The following AK5 variants were observed in gnomAD, a reference collection of about 807,000 sequenced individuals.
AK5 encodes the protein adenylate kinase 5, also known as adenylate kinase isoenzyme 5.
A neutral mutation model predicts 69.5 loss-of-function variants in AK5; 27 were observed. The ratio of observed to expected loss-of-function variants is 0.39; its 90% CI spans 0.29 to 0.54. AK5 has a LOEUF of 0.54. Among genes scored for constraint, AK5 ranks in the 20% least tolerant of loss-of-function variants. AK5 has a pLI of 0.71. For synonymous variants in AK5, 260 were observed against 244.4 expected (o/e 1.06, Z -0.60); for missense variants, 531 against 700.4 (o/e 0.76, Z 2.73).
intron 8 of AK5, among the ~76,000 whole-genome samples, chr1:77,418,968 C>T (rs563848289): frequency 3.9e-5 from 6 of 152,092 alleles, no homozygotes; most frequent in Non-Finnish European, 1.5e-5. Context: ...ACATGCAAAA[C>T]GTTGTGCCGA....
chr1:77,309,915 C>T (rs969343373), intron 5 of AK5, among the ~76,000 whole-genome samples: 23 of 151,826 alleles, frequency 1.5e-4, no homozygotes, highest in Admixed American at 9.2e-4. Flanking sequence ...CAGTCATGTT[C>T]GAGATATGTT....
At chr1:77,474,688 A>C (rs1476196457) in intron 8 of AK5, among the ~76,000 whole-genome samples, 1 of 152,182 alleles carries the variant, frequency 6.6e-6, no homozygotes, top group Non-Finnish European at 1.5e-5. Context: ...ATCTGGACCC[A>C]CCTTCCCCCA....
At chr1:77,333,868 A>G (rs1661214627) in intron 5 of AK5, among the ~76,000 whole-genome samples, 1 of 152,246 alleles carries the variant, frequency 6.6e-6, no homozygotes, top group Non-Finnish European at 1.5e-5. Flanking sequence ...CAGTACTTTT[A>G]CAGTGGTAAA....
intron 6 of AK5, among the ~76,000 whole-genome samples, chr1:77,405,001 C>A (rs568795481): frequency 6.6e-6 from 1 of 152,154 alleles, no homozygotes; most frequent in Non-Finnish European, 1.5e-5. Flanking sequence ...AAAGTCTCAA[C>A]GTTTCTTATA....
At chr1:77,485,221 T>C (rs995985941) in intron 9 of AK5, among the ~76,000 whole-genome samples, 15 of 152,236 alleles carry the variant, frequency 9.9e-5, no homozygotes. Flanking sequence ...TGTTTGTTTG[T>C]TTTTTGTTGT....
intron 6 of AK5, among the ~76,000 whole-genome samples, chr1:77,377,772 C>T (rs140463608): frequency 1.3e-5 from 2 of 152,234 alleles, no homozygotes; most frequent in East Asian, 3.9e-4. Context: ...TACTTCTGTG[C>T]TTTAAGAGAT....
intron 5 of AK5, among the ~76,000 whole-genome samples, chr1:77,304,565 C>T (rs989675416): frequency 6.6e-6 from 1 of 152,046 alleles, no homozygotes; most frequent in African/African-American, 2.4e-5. Context: ...ACCACCACGC[C>T]CAACTAATTT....
intron 12 of AK5, among the ~76,000 whole-genome samples, chr1:77,534,359 T>C (rs1658838238): frequency 6.6e-6 from 1 of 152,130 alleles, no homozygotes; most frequent in Non-Finnish European, 1.5e-5. Flanking sequence ...ATAACACAGA[T>C]CATACCACCA....
chr1:77,454,670 G>T (rs1034414653), intron 8 of AK5, among the ~76,000 whole-genome samples: 4 of 152,326 alleles, frequency 2.6e-5, no homozygotes, highest in African/African-American at 9.6e-5. Flanking sequence ...GCAAAGTCAA[G>T]TTGAATATAT....
chr1:77,407,419 AT>A (rs1367520290), intron 6 of AK5, among the ~76,000 whole-genome samples: 2 of 152,318 alleles, frequency 1.3e-5, no homozygotes, highest in Admixed American at 1.3e-4. Flanking sequence ...ATACGGTATT[AT>A]TCATTTTATG....
At chr1:77,412,824 C>T (rs1308226717) in intron 7 of AK5, among the ~76,000 whole-genome samples, 1 of 152,132 alleles carries the variant, frequency 6.6e-6, no homozygotes, top group African/African-American at 2.4e-5. Flanking sequence ...CTCACCTTGA[C>T]CTTTCTCCGG....
intron 10 of AK5, among the ~76,000 whole-genome samples, chr1:77,506,094 C>T (rs1038974653): frequency 2.6e-5 from 4 of 151,934 alleles, no homozygotes; most frequent in African/African-American, 9.7e-5. Context: ...CAAGCAGAAC[C>T]TGAGTGAAGT....
chr1:77,461,796 A>G (rs1014659095), intron 8 of AK5, among the ~76,000 whole-genome samples: 7 of 152,062 alleles, frequency 4.6e-5, no homozygotes, highest in South Asian at 2.1e-4. Flanking sequence ...AAAGAAATCT[A>G]TTGTACAGCA....
Position 77,492,876 on chromosome 1 carries a change from A to C in AK5, c.1147+6524A>C, listed in dbSNP as rs561114267. On this transcript the variant is annotated intron_variant, in intron 10 of 13. Transcript: ENST00000354567. ...CAGCACCAGGAAGAACGAGAACTGA[A>C]GGGAGGGCAAAGAAAACCTGCAAGG... 2.6e-5 allele frequency among the ~76,000 whole-genome samples: 4 copies of C among 152,326 alleles called. No homozygotes were observed. The South Asian group carries it at 8.3e-4, about 32-fold the overall frequency.
chr1:77,319,383 C>A (rs1228833995), intron 5 of AK5, among the ~76,000 whole-genome samples: 1 of 152,130 alleles, frequency 6.6e-6, no homozygotes, highest in African/African-American at 2.4e-5. Context: ...GCTAGAGGGG[C>A]AAAGGGAAAA....
At chr1:77,461,953 C>T (rs547752186) in intron 8 of AK5, among the ~76,000 whole-genome samples, 2 of 152,196 alleles carry the variant, frequency 1.3e-5, no homozygotes, top group South Asian at 2.1e-4. Flanking sequence ...TGTATATATA[C>T]TGCAAAACGT....
intron 8 of AK5, among the ~76,000 whole-genome samples, chr1:77,438,886 G>A (rs1363679386): frequency 6.6e-6 from 1 of 152,122 alleles, no homozygotes; most frequent in Admixed American, 6.6e-5. Context: ...ATCATTCCAG[G>A]GGGAATGCAA....
intron 9 of AK5, among the ~76,000 whole-genome samples, 162 bp from the exon 10 acceptor site, chr1:77,486,146 G>A (rs945920459): frequency 6.6e-6 from 1 of 151,922 alleles, no homozygotes; most frequent in African/African-American, 2.4e-5. Flanking sequence ...ACACTGAAAT[G>A]GTCATTGGTG....
chr1:77,468,577 C>G (rs1489609812), intron 8 of AK5, among the ~76,000 whole-genome samples: 1 of 152,230 alleles, frequency 6.6e-6, no homozygotes, highest in Non-Finnish European at 1.5e-5. Context: ...GCTTGCTTTT[C>G]TGTCCTGAGC....
Sources: gnomAD v4.1 joint callset for allele counts (sites outside exome capture counted in the v4.1 genomes callset) on GRCh38, gnomAD v4.1.1 for gene constraint, MANE v1.5 for transcripts, NCBI Gene and HGNC (gene_info 2026-07-23, HGNC 2026-07-21) for gene names.